IQGAP2: variants seen among roughly 807,000 people sequenced by gnomAD.
The protein encoded by IQGAP2 is ras GTPase-activating-like protein IQGAP2.
A neutral mutation model predicts 201.3 loss-of-function variants in IQGAP2; 173 were observed. That is an observed-to-expected ratio of 0.86 (90% CI 0.76 to 0.98). The LOEUF is 0.98. Among genes scored for constraint, IQGAP2 ranks in the 50% least tolerant of loss-of-function variants. The pLI is 0.00. For synonymous variants in IQGAP2, 675 were observed against 673.9 expected (o/e 1.00, Z -0.03); for missense variants, 1,687 against 1,864.8 (o/e 0.90, Z 1.76).
intron 5 of IQGAP2, 72 bp from the exon 6 acceptor site, chr5:76,588,834 G>A (rs1324125009): frequency 4.3e-5 from 38 of 893,040 alleles, no homozygotes; most frequent in Non-Finnish European, 6.2e-5. Context: ...AAACTATTAA[G>A]AATTATGTAA....
chr5:76,508,977 T>C (rs1287643684), intron 2 of IQGAP2, among the ~76,000 whole-genome samples: 2 of 152,040 alleles, frequency 1.3e-5, no homozygotes, highest in African/African-American at 4.8e-5. Context: ...ACCATGCTGA[T>C]GACAGTGTGC....
chr5:76,410,739 G>T (rs62363213), intron 1 of IQGAP2, among the ~76,000 whole-genome samples: 5 of 152,108 alleles, frequency 3.3e-5, no homozygotes, highest in Non-Finnish European at 7.4e-5. Context: ...ATTAATTGTG[G>T]CAATGTTTAC....
At chr5:76,703,666 AAAG>A (rs1243557785) in intron 35 of IQGAP2, among the ~76,000 whole-genome samples, 15 of 151,644 alleles carry the variant, frequency 9.9e-5, no homozygotes, top group Non-Finnish European at 1.0e-4. Flanking sequence ...AAAAAAAAAA[AAAG>A]AGAGCACTGC....
At chr5:76,439,255 T>TGG (rs140290176) in intron 1 of IQGAP2, among the ~76,000 whole-genome samples, 2,930 of 152,340 alleles carry the variant, frequency 0.019, 104 homozygotes, top group African/African-American at 0.065. Context: ...CTGAGACTTG[T>TGG]GGACTATCAT....
chr5:76,550,837 A>C (rs1743419622), intron 2 of IQGAP2, among the ~76,000 whole-genome samples: 4 of 151,744 alleles, frequency 2.6e-5, no homozygotes, highest in African/African-American at 7.3e-5. Flanking sequence ...CGCCATCGTC[A>C]TCATGGCCCG....
chr5:76,700,268 G>GT (rs1402060496), intron 33 of IQGAP2, among the ~76,000 whole-genome samples: 1 of 152,110 alleles, frequency 6.6e-6, no homozygotes, highest in African/African-American at 2.4e-5. Flanking sequence ...TTGAGCCTCA[G>GT]TTTTCTCATC....
intron 1 of IQGAP2, among the ~76,000 whole-genome samples, chr5:76,417,671 C>T (rs1291300606): frequency 6.6e-6 from 1 of 152,116 alleles, no homozygotes; most frequent in Non-Finnish European, 1.5e-5. Flanking sequence ...ACCTCCGCCT[C>T]CTGGGCTTGG....
At chr5:76,664,970 G>A in intron 21 of IQGAP2, 56 bp from the exon 22 acceptor site, 1 of 970,522 alleles carries the variant, frequency 1.0e-6, no homozygotes, top group Non-Finnish European at 1.6e-6. Context: ...TATGTGAAGG[G>A]AGGAGATAAA....
In IQGAP2 at chr5:76,444,014, CAAGTGTATTGTA is replaced by C. The variant is rs141455522; in HGVS notation, c.47-17548_47-17537del. Among the ~76,000 whole-genome samples the C allele has an allele frequency of 6.1e-3, 934 of 152,224 alleles. 34 individuals are homozygous for C. The East Asian group carries it at 0.11, about 19-fold the overall frequency. ...ACCAAATTAGAGTGATCCTGCCCTC[CAAGTGTATTGTA>C]AAGTGTAATAGAAATAAATGGGAGA... On this transcript the variant is annotated intron_variant, in intron 1 of 35. Transcript: ENST00000274364.
At chr5:76,492,437 C>T (rs1422533018) in intron 2 of IQGAP2, among the ~76,000 whole-genome samples, 1 of 152,094 alleles carries the variant, frequency 6.6e-6, no homozygotes, top group Admixed American at 6.5e-5. Flanking sequence ...TTTCCATAAG[C>T]TGGGGTGAAG....
chr5:76,647,165 G>A (rs460562), intron 17 of IQGAP2, among the ~76,000 whole-genome samples: 3 of 151,824 alleles, frequency 2.0e-5, no homozygotes, highest in Admixed American at 6.6e-5. Context: ...CTATTCTTCC[G>A]TAAATACAAC....
chr5:76,424,727 G>A (rs1214839577), intron 1 of IQGAP2, among the ~76,000 whole-genome samples: 4 of 152,196 alleles, frequency 2.6e-5, no homozygotes, highest in Admixed American at 1.3e-4. Context: ...TCTGGGAGGC[G>A]ACATGGCCCA....
chr5:76,556,542 A>G (rs1356531653), intron 2 of IQGAP2, among the ~76,000 whole-genome samples: 2 of 152,100 alleles, frequency 1.3e-5, no homozygotes, highest in Non-Finnish European at 2.9e-5. Flanking sequence ...CTATATCCCT[A>G]TCTGGGCTTG....
chr5:76,670,189 G>A (rs72774608), intron 23 of IQGAP2, among the ~76,000 whole-genome samples: 1,881 of 152,110 alleles, frequency 0.012, 15 homozygotes, highest in Non-Finnish European at 0.019. Flanking sequence ...ACCCTCATTC[G>A]CCTTACAAGC....
chr5:76,457,406 T>C (rs775370087), intron 1 of IQGAP2, among the ~76,000 whole-genome samples: 3 of 152,192 alleles, frequency 2.0e-5, no homozygotes, highest in Non-Finnish European at 4.4e-5. Context: ...CCCTTCAATA[T>C]ATCCCTCAAA....
At chr5:76,640,853 A>T in intron 16 of IQGAP2, 80 bp from the exon 17 acceptor site, 3 of 1,064,218 alleles carry the variant, frequency 2.8e-6, no homozygotes, top group Middle Eastern at 2.6e-4. Context: ...ATTTTCTAAA[A>T]GATAAAATAT....
chr5:76,587,243 C>G (rs1746311296), intron 5 of IQGAP2, among the ~76,000 whole-genome samples: 1 of 152,126 alleles, frequency 6.6e-6, no homozygotes, highest in African/African-American at 2.4e-5. Flanking sequence ...AGCATAATCT[C>G]TTTTTAAGAT....
At position 76,677,297 on chromosome 5, in the gene IQGAP2, G is replaced by A. The variant is rs758193792; in HGVS notation, c.3607G>A (p.Val1203Ile). Residue 1203 changes from valine (V) to isoleucine (I), a missense_variant, in exon 28 of 36, where the codon GTC becomes ATC. Transcript: ENST00000274364. Reference sequence around the variant, plus strand: ...GGACAAATACACAGACCTGGTGACAGTCAGCAAACCAGTCATTTATATTTC... The same window carrying A: ...GGACAAATACACAGACCTGGTGACAATCAGCAAACCAGTCATTTATATTTC... ...NMDKYTDLVT[V>I]SKPVIYISIE... 6.8e-6 allele frequency: 11 copies of A among 1,613,884 alleles called. No homozygotes were observed. Among genetic ancestry groups the A allele is most frequent in the Non-Finnish European group, 9.3e-6 (11 of 1,179,872 alleles).
intron 2 of IQGAP2, among the ~76,000 whole-genome samples, chr5:76,554,379 G>A (rs368186278): frequency 2.6e-5 from 4 of 152,122 alleles, no homozygotes; most frequent in African/African-American, 7.2e-5. Context: ...GTGAAAAGAC[G>A]GCTCACAGAA....
Sources: allele counts gnomAD v4.1 joint callset (sites outside exome capture counted in the v4.1 genomes callset), GRCh38; gene constraint gnomAD v4.1.1; transcripts MANE v1.5; gene names NCBI Gene and HGNC (gene_info 2026-07-23, HGNC 2026-07-21).